Variants in MAPK6 observed in about 807,000 individuals in gnomAD.
MAPK6 encodes the protein ERK-3.
In MAPK6, 19 loss-of-function variants were observed where a neutral mutation model predicts 59.3. The observed-to-expected ratio is 0.32, with a 90% CI of 0.22 to 0.47. MAPK6 has a LOEUF of 0.47. Ranked by LOEUF, MAPK6 falls within the 20% of genes least tolerant of loss-of-function variation. The pLI is 1.00. For synonymous variants in MAPK6, 316 were observed against 290.3 expected (o/e 1.09, Z -0.90); for missense variants, 724 against 847.9 (o/e 0.85, Z 1.81).
chr15:52,050,103 T>C lies in MAPK6; in HGVS notation c.666T>C (p.Phe222=). The change falls in exon 3 of 6, where the codon TTT becomes TTC. Residue 222 remains phenylalanine (F), a synonymous_variant. Coordinates refer to ENST00000261845, the MANE Select transcript of MAPK6 (RefSeq NM_002748.4). ...AIDMWAAGCI[F]AEMLTGKTLF... ...ACATGTGGGCTGCAGGCTGCATCTTTGCTGAAATGCTGACTGGTAAAACCC... is the reference window on the plus strand; with the variant it reads ...ACATGTGGGCTGCAGGCTGCATCTTCGCTGAAATGCTGACTGGTAAAACCC... 1.2e-6 allele frequency: 2 copies of C among 1,611,278 alleles called. No individual in the cohort carries two copies. The highest frequency in any genetic ancestry group is 1.7e-6 in the Non-Finnish European group (2 of 1,179,412).
intron 1 of MAPK6, among the ~76,000 whole-genome samples, chr15:51,981,648 T>C (rs1027599559): frequency 6.6e-6 from 1 of 152,066 alleles, no homozygotes; most frequent in Non-Finnish European, 1.5e-5. Flanking sequence ...TAGATAGACT[T>C]TAGACTCCTT....
At chr15:52,011,709 G>A (rs1357149422) in intron 3 of MAPK6, among the ~76,000 whole-genome samples, 1 of 152,160 alleles carries the variant, frequency 6.6e-6, no homozygotes, top group Non-Finnish European at 1.5e-5. Context: ...TACTGTTCAT[G>A]ATCACTTTAC....
chr15:52,029,179 A>G (rs1305177681), intron 1 of MAPK6, among the ~76,000 whole-genome samples: 1 of 152,150 alleles, frequency 6.6e-6, no homozygotes, highest in African/African-American at 2.4e-5. Flanking sequence ...CTGGGATTAC[A>G]GGCGCACACC....
Position 52,065,119 on chromosome 15 carries a change from T to G in MAPK6, c.*119T>G. 1.1e-6 allele frequency: 1 copy of G among 936,450 alleles called. No homozygotes were observed. Among genetic ancestry groups the G allele is most frequent in the Non-Finnish European group, 1.5e-6 (1 of 662,312 alleles). 58.0% of individuals were successfully genotyped at this position (936,450 alleles called of 1,614,324 possible). A position where few individuals can be genotyped will look rare whatever the true frequency, so the allele number is the denominator to read the frequency against. ...ATGGTGTCATTTAGTAAGGATTTTA[T>G]GAGTTCTTGTTTTTTAAAATCCAGA... On this transcript the variant is annotated 3_prime_UTR_variant, in exon 6 of 6. Transcript: ENST00000261845.
At chr15:52,034,339 A>G (rs1168027373) in intron 1 of MAPK6, among the ~76,000 whole-genome samples, 5 of 144,294 alleles carry the variant, frequency 3.5e-5, no homozygotes, top group Admixed American at 7.0e-5. Context: ...TTTTTGAGAC[A>G]GTCTCGCTCT....
At chr15:52,031,932 G>A (rs975716111) in intron 1 of MAPK6, among the ~76,000 whole-genome samples, 2 of 151,196 alleles carry the variant, frequency 1.3e-5, no homozygotes, top group Admixed American at 6.6e-5. Flanking sequence ...GCGGAGTCTC[G>A]CTCTGTTGCC....
At chr15:52,057,788 A>G (rs1303201511) in intron 3 of MAPK6, among the ~76,000 whole-genome samples, 1 of 152,114 alleles carries the variant, frequency 6.6e-6, no homozygotes, top group African/African-American at 2.4e-5. Context: ...AAAAGTATTA[A>G]CAACCCTATT....
In MAPK6 at chr15:52,046,789, A is replaced by G; in HGVS notation, c.329A>G (p.Tyr110Cys). The change falls in exon 2 of 6, where the codon TAC (tyrosine) becomes TGC (cysteine). Residue 110 changes from tyrosine to cysteine, a missense_variant. Around this residue, in one of 4 missense-constraint regions of MAPK6, gnomAD observed 87 missense variants for 93.0 expected, o/e 0.93. Coordinates refer to ENST00000261845, the MANE Select transcript of MAPK6 (RefSeq NM_002748.4). ...AACAGTGTTTACATTGTTCAGGAGT[A>G]CATGGAGACAGACTTGGCTAATGTG... ...ELNSVYIVQE[Y>C]METDLANVLE... 1.2e-6 allele frequency: 2 copies of G among 1,613,968 alleles called. No homozygotes were observed.
Position 52,003,810 on chromosome 15 carries a change from G to C in MAPK6, c.-769-455G>C, listed in dbSNP as rs2057249750. Reference sequence around the variant, plus strand: ...ATGTTGAAGAGATGAAAATTCATTTGAATGAGTAAAATAGGGATGGCCAGA... The same window carrying C: ...ATGTTGAAGAGATGAAAATTCATTTCAATGAGTAAAATAGGGATGGCCAGA... On this transcript the variant is annotated intron_variant, in intron 2 of 7. Coordinates refer to the MAPK6 transcript ENST00000691380. Among the ~76,000 whole-genome samples the C allele has an allele frequency of 3.3e-5, 5 of 152,252 alleles. No individual in the cohort carries two copies. The South Asian group carries it at 1.0e-3, about 31-fold the overall frequency.
At chr15:52,047,150 A>G (rs1475712443) in intron 2 of MAPK6, 135 bp downstream of exon 2, 1 of 515,754 alleles carries the variant, frequency 1.9e-6, no homozygotes, top group Non-Finnish European at 3.2e-6. Flanking sequence ...TTTTTCTGAA[A>G]CAAGTCTCTC....
intron 2 of MAPK6, among the ~76,000 whole-genome samples, chr15:51,997,797 G>GCCTA (rs2057229450): frequency 6.6e-6 from 1 of 151,728 alleles, no homozygotes; most frequent in African/African-American, 2.4e-5. Context: ...TCGCCATGTT[G>GCCTA]CCTAGGCTGG....
At chr15:52,030,651 T>A (rs1256964353) in intron 1 of MAPK6, among the ~76,000 whole-genome samples, 1 of 119,298 alleles carries the variant, frequency 8.4e-6, no homozygotes, top group Non-Finnish European at 1.6e-5. Context: ...TGAGGCAGAG[T>A]CTCACTCTGT....
chr15:52,048,490 G>A (rs1205019890), intron 2 of MAPK6, among the ~76,000 whole-genome samples: 1 of 152,122 alleles, frequency 6.6e-6, no homozygotes, highest in Non-Finnish European at 1.5e-5. Flanking sequence ...GGTGGTGCAT[G>A]TCTGTAATTC....
intron 1 of MAPK6, among the ~76,000 whole-genome samples, chr15:52,034,996 C>T (rs754131115): frequency 2.0e-5 from 3 of 152,232 alleles, no homozygotes; most frequent in Non-Finnish European, 4.4e-5. Context: ...GCCACTGCGC[C>T]TGGCCTTGTT....
At chr15:52,026,405 C>A (rs2030777806) in intron 1 of MAPK6, among the ~76,000 whole-genome samples, 1 of 152,154 alleles carries the variant, frequency 6.6e-6, no homozygotes, top group Non-Finnish European at 1.5e-5. Flanking sequence ...GATTCTCCTG[C>A]TGCAGCCTCC....
chr15:52,016,680 C>A (rs2030280914), upstream of MAPK6, among the ~76,000 whole-genome samples: 1 of 152,084 alleles, frequency 6.6e-6, no homozygotes, highest in African/African-American at 2.4e-5. Flanking sequence ...CTCTGCCCAC[C>A]CACCTTAAAC....
intron 3 of MAPK6, among the ~76,000 whole-genome samples, chr15:52,057,840 T>G (rs2032042932): frequency 6.6e-6 from 1 of 152,250 alleles, no homozygotes; most frequent in African/African-American, 2.4e-5. Flanking sequence ...TCTCTTTTTC[T>G]TTATAGCATA....
At chr15:51,991,162 C>T (rs973475192) in intron 2 of MAPK6, among the ~76,000 whole-genome samples, 1 of 146,438 alleles carries the variant, frequency 6.8e-6, no homozygotes, top group Admixed American at 6.7e-5. Flanking sequence ...CACACACACA[C>T]ACACACACAC....
At chr15:52,019,635 C>G (rs1327370319) in intron 1 of MAPK6, among the ~76,000 whole-genome samples, 2 of 146,280 alleles carry the variant, frequency 1.4e-5, no homozygotes, top group African/African-American at 4.9e-5. Flanking sequence ...GGGCTGGGGT[C>G]CCCGCGTGGG....
Sources: gnomAD v4.1 joint callset for allele counts (sites outside exome capture counted in the v4.1 genomes callset) on GRCh38, gnomAD v4.1.1 for gene constraint, gnomAD v4.1.1 regional missense constraint, MANE v1.5 for transcripts, NCBI Gene and HGNC (gene_info 2026-07-23, HGNC 2026-07-21) for gene names.